Variants in MTMR14 observed in about 807,000 individuals in gnomAD.
MTMR14 encodes the protein phosphatidylinositol-3,5-bisphosphate 3-phosphatase MTMR14.
A neutral mutation model predicts 86.3 loss-of-function variants in MTMR14; 48 were observed. The observed-to-expected ratio is 0.56, with a 90% CI of 0.44 to 0.71. The LOEUF is 0.71. MTMR14 is among the 30% of genes least tolerant of loss of function. MTMR14 has a pLI of 0.00. For missense variants in MTMR14, 780 were observed against 834.6 expected (o/e 0.93, Z 0.81); for synonymous variants, 366 against 326.1 (o/e 1.12, Z -1.32).
intron 9 of MTMR14, among the ~76,000 whole-genome samples, chr3:9,682,211 C>T (rs1231212683): frequency 6.6e-6 from 1 of 152,224 alleles, no homozygotes; most frequent in African/African-American, 2.4e-5. Context: ...ACTACAGCGC[C>T]TGTCTCTGTA....
chr3:9,679,168 A>G (rs2075678541), intron 9 of MTMR14, among the ~76,000 whole-genome samples: 1 of 152,228 alleles, frequency 6.6e-6, no homozygotes, highest in African/African-American at 2.4e-5. Context: ...TGCTCACAGC[A>G]ACTGTTTGAG....
At chr3:9,650,000 C>A (rs1368069394) in intron 1 of MTMR14, among the ~76,000 whole-genome samples, 7 of 152,124 alleles carry the variant, frequency 4.6e-5, no homozygotes, top group South Asian at 2.1e-4. Context: ...GGTGAGAGAT[C>A]AAGCTGAGGG....
In MTMR14 at chr3:9,653,722, G is replaced by T. The variant is rs1252868547; in HGVS notation, c.261G>T (p.Arg87=). The change falls in exon 2 of 19, where the codon CGG becomes CGT. Residue 87 remains arginine (R), a synonymous_variant. Transcript: ENST00000296003. ...GGGATATCTGTGGCCACTATCCCCG[G>T]CACATCGTGTTCCTGGAGTATGAGA... ...TNGDICGHYP[R]HIVFLEYESS... is the part of the protein sequence containing the mutation. The T allele has an allele frequency of 3.7e-6, 6 of 1,614,046 alleles. No individual in the cohort carries two copies. Among genetic ancestry groups the T allele is most frequent in the Non-Finnish European group, 4.2e-6 (5 of 1,180,044 alleles).
At position 9,662,318 on chromosome 3, in the gene MTMR14, C is replaced by G. The variant is rs532834766; in HGVS notation, c.360C>G (p.Ser120Arg). ...VSKLQDLIHR[S>R]KMARCRGRFV... ...AGTTGCAAGACCTCATCCACCGCAG[C>G]AAGATGGCCCGGTGCAGAGGACGGT... The change falls in exon 3 of 19, where the codon AGC (serine) becomes AGG (arginine). Residue 120 changes from serine to arginine, a missense_variant. Ser to Arg is a moderately radical substitution (Grantham distance 110). Transcript: ENST00000296003. 39 of 1,613,484 alleles carry G rather than the reference C, an allele frequency of 2.4e-5. No homozygotes were observed. Among genetic ancestry groups the G allele is most frequent in the Non-Finnish European group, 3.2e-5 (38 of 1,179,970 alleles).
At chr3:9,688,077 C>G (rs552547770) in intron 14 of MTMR14, among the ~76,000 whole-genome samples, 186 bp downstream of exon 14, 33 of 152,306 alleles carry the variant, frequency 2.2e-4, no homozygotes, top group African/African-American at 7.2e-4. Flanking sequence ...TGAAGAGGCT[C>G]TTCTGCAGGG....
At chr3:9,656,158 G>A (rs1367627299) in intron 2 of MTMR14, among the ~76,000 whole-genome samples, 1 of 151,918 alleles carries the variant, frequency 6.6e-6, no homozygotes, top group Non-Finnish European at 1.5e-5. Flanking sequence ...TCGAACCACT[G>A]CATTCCAGCC....
At chr3:9,683,093 G>T in intron 9 of MTMR14, 85 bp from the exon 10 acceptor site, 1 of 1,329,806 alleles carries the variant, frequency 7.5e-7, no homozygotes, top group Non-Finnish European at 1.1e-6. Context: ...TGTTGCCCCA[G>T]AATAACTCTT....
chr3:9,687,074 C>T (rs969867526), intron 13 of MTMR14, among the ~76,000 whole-genome samples: 6 of 152,222 alleles, frequency 3.9e-5, no homozygotes, highest in African/African-American at 1.4e-4. Context: ...AAATGTGATT[C>T]CTTTCCTTTC....
Position 9,690,061 on chromosome 3 carries a change from A to C in MTMR14, c.1531A>C (p.Arg511=). The C allele has an allele frequency of 6.2e-7, 1 of 1,613,294 alleles. No homozygotes were observed. ...LPSQQGLAEA[R]SSSSSSSNHS... ...TTCCCAGCAGGGGCTGGCGGAAGCC[A>C]GGTCTTCCAGCTCCTCTTCCTCAAA... Residue 511 remains arginine, a synonymous_variant, in exon 17 of 19, where the codon AGG becomes CGG. Transcript: ENST00000296003.
At chr3:9,660,367 T>C (rs2047860168) in intron 2 of MTMR14, among the ~76,000 whole-genome samples, 1 of 152,096 alleles carries the variant, frequency 6.6e-6, no homozygotes, top group Non-Finnish European at 1.5e-5. Flanking sequence ...CAAGCAGTTC[T>C]CCTGCCTCAG....
chr3:9,658,495 CAG>C (rs1166092248), intron 2 of MTMR14, among the ~76,000 whole-genome samples: 2 of 152,146 alleles, frequency 1.3e-5, no homozygotes, highest in Non-Finnish European at 2.9e-5. Flanking sequence ...TAGTGGGAAA[CAG>C]AGTCCAATAA....
intron 7 of MTMR14, among the ~76,000 whole-genome samples, chr3:9,673,929 G>C (rs1006562001): frequency 7.2e-5 from 11 of 152,096 alleles, no homozygotes; most frequent in Admixed American, 2.0e-4. Flanking sequence ...TGATGATGAT[G>C]GTGGTGATGA....
intron 2 of MTMR14, among the ~76,000 whole-genome samples, chr3:9,657,841 G>C (rs1321330872): frequency 1.3e-5 from 2 of 152,122 alleles, no homozygotes; most frequent in Admixed American, 6.6e-5. Flanking sequence ...GAGCCACCGC[G>C]CCTGGCCCTC....
At chr3:9,670,407 T>A (rs1160895834) in intron 5 of MTMR14, among the ~76,000 whole-genome samples, 3 of 152,204 alleles carry the variant, frequency 2.0e-5, no homozygotes, top group East Asian at 3.8e-4. Context: ...GCAGTGTGGA[T>A]TAAAAAATAA....
At chr3:9,675,941 AT>A (rs2125178849) in intron 7 of MTMR14, among the ~76,000 whole-genome samples, 1 of 152,288 alleles carries the variant, frequency 6.6e-6, no homozygotes, top group Admixed American at 6.5e-5. Context: ...CTAAAGTGTT[AT>A]GGCTGAAGAT....
At chr3:9,665,842 C>T (rs754778162) in intron 3 of MTMR14, among the ~76,000 whole-genome samples, 2 of 151,200 alleles carry the variant, frequency 1.3e-5, no homozygotes, top group African/African-American at 4.9e-5. Context: ...CATTCTCCTG[C>T]GTCAGCCTCC....
At chr3:9,651,926 G>T (rs889462908) in intron 1 of MTMR14, among the ~76,000 whole-genome samples, 2 of 151,976 alleles carry the variant, frequency 1.3e-5, no homozygotes, top group Non-Finnish European at 2.9e-5. Flanking sequence ...CCGCCTCCTG[G>T]GTTCAAGCGA....
At chr3:9,688,805 T>C in intron 15 of MTMR14, 51 bp downstream of exon 15, 1 of 1,611,880 alleles carries the variant, frequency 6.2e-7, no homozygotes, top group South Asian at 1.1e-5. Flanking sequence ...TCTTCCCGTG[T>C]ACAGATCAGG....
chr3:9,667,024 G>C (rs1465818395), intron 3 of MTMR14, among the ~76,000 whole-genome samples: 1 of 152,188 alleles, frequency 6.6e-6, no homozygotes, highest in East Asian at 1.9e-4. Context: ...TGCTGGCCTA[G>C]GTCTGGCTGC....
Sources: gnomAD v4.1 joint callset for allele counts (sites outside exome capture counted in the v4.1 genomes callset) on GRCh38, gnomAD v4.1.1 for gene constraint, MANE v1.5 for transcripts, NCBI Gene and HGNC (gene_info 2026-07-23, HGNC 2026-07-21) for gene names.